Variants in TPGS1 observed in about 807,000 individuals in gnomAD.
TPGS1 encodes gene trap ROSA b-geo 22.
A neutral mutation model predicts 11.9 loss-of-function variants in TPGS1; 18 were observed. The ratio of observed to expected loss-of-function variants is 1.51; its 90% CI spans 1.04 to 2.24. The LOEUF is 2.24. Ranked by LOEUF, TPGS1 falls within the 30% of genes most tolerant of loss-of-function variation. The pLI is 0.00. For missense variants in TPGS1, 500 were observed against 443.0 expected, an observed-to-expected ratio of 1.13 and a Z score of -1.16; for synonymous variants, 247 against 218.2, an observed-to-expected ratio of 1.13 and a Z score of -1.16.
At chr19:515,588 A>C (rs1046030102) in intron 1 of TPGS1, among the ~76,000 whole-genome samples, 1 of 150,742 alleles carries the variant, frequency 6.6e-6, no homozygotes, top group African/African-American at 2.4e-5. Context: ...AAATACAAAA[A>C]TTAGCTGGGT....
chr19:510,609 G>A (rs979807610), intron 1 of TPGS1, among the ~76,000 whole-genome samples: 10 of 152,248 alleles, frequency 6.6e-5, no homozygotes, highest in African/African-American at 2.4e-4. Flanking sequence ...CTTCCTGGTC[G>A]TCTCCAAGGC....
Position 519,360 on chromosome 19 carries a change from C to T in TPGS1, c.810C>T (p.Thr270=). 8.2e-7 allele frequency: 1 copy of T among 1,214,070 alleles called. No homozygotes were observed. Among genetic ancestry groups the T allele is most frequent in the Non-Finnish European group, 1.0e-6 (1 of 975,814 alleles). The allele number at this position is 1,214,070 out of a possible 1,614,324, so 75.2% of individuals were successfully genotyped here. A position where few individuals can be genotyped will look rare whatever the true frequency, so the allele number is the denominator to read the frequency against. ...GGCGGCGGCCCAGCGCGCCCATGACCCGCGAGGAGTTTCTGGAGAGGGCCG... is the reference window on the plus strand; with the variant it reads ...GGCGGCGGCCCAGCGCGCCCATGACTCGCGAGGAGTTTCTGGAGAGGGCCG... ...VGGRRPSAPM[T]REEFLERAAA... The change falls in exon 2 of 2, where the codon ACC becomes ACT. Residue 270 remains threonine (T), a synonymous_variant. Transcript: ENST00000359315.
chr19:512,404 C>T (rs1978822978), intron 1 of TPGS1, among the ~76,000 whole-genome samples: 1 of 152,198 alleles, frequency 6.6e-6, no homozygotes, highest in South Asian at 2.1e-4. Context: ...CTCAAGCAAT[C>T]CTCCTGCCTC....
intron 1 of TPGS1, among the ~76,000 whole-genome samples, chr19:512,126 C>T (rs1167536549): frequency 6.6e-6 from 1 of 152,158 alleles, no homozygotes; most frequent in African/African-American, 2.4e-5. Flanking sequence ...CCGCCTCGGC[C>T]TCCCAAAGTG....
chr19:518,758 G>T (rs1979048954), intron 1 of TPGS1, 131 bp from the exon 2 acceptor site: 2 of 968,022 alleles, frequency 2.1e-6, no homozygotes. Flanking sequence ...GGGATGGGGG[G>T]TAGGAGGAGA....
intron 1 of TPGS1, among the ~76,000 whole-genome samples, chr19:510,939 C>T (rs1337106993): frequency 6.6e-6 from 1 of 152,246 alleles, no homozygotes; most frequent in Non-Finnish European, 1.5e-5. Context: ...TCGTGACAAC[C>T]ACAGATGTCC....
At chr19:509,457 CAG>C (rs367981047) in intron 1 of TPGS1, 78 of 152,744 alleles carry the variant, frequency 5.1e-4, no homozygotes, top group African/African-American at 1.8e-3. Flanking sequence ...CTTAAAACAA[CAG>C]AAATTTATTC....
chr19:512,661 C>T (rs960380489), intron 1 of TPGS1, among the ~76,000 whole-genome samples: 2 of 152,260 alleles, frequency 1.3e-5, no homozygotes, highest in South Asian at 4.1e-4. Flanking sequence ...GGAGAAGTGG[C>T]GGAGGGATCC....
At chr19:514,837 A>C (rs1273274303) in intron 1 of TPGS1, among the ~76,000 whole-genome samples, 1 of 152,216 alleles carries the variant, frequency 6.6e-6, no homozygotes, top group Non-Finnish European at 1.5e-5. Flanking sequence ...GGGGTTAAGC[A>C]GCCCACCCAG....
chr19:519,310 C>G lies in TPGS1; in HGVS notation c.760C>G (p.Leu254Val), dbSNP rs1379310157. ...GSRLGPDSLALALDRAVGGRR... is the reference protein window; with the variant it reads ...GSRLGPDSLAVALDRAVGGRR... Reference sequence around the variant, plus strand: ...GCGCTTGGGGCCCGACAGCCTGGCGCTGGCGCTGGACCGCGCCGTCGGGGG... The same window carrying G: ...GCGCTTGGGGCCCGACAGCCTGGCGGTGGCGCTGGACCGCGCCGTCGGGGG... Residue 254 changes from leucine (L) to valine (V), a missense_variant, in exon 2 of 2, where the codon CTG becomes GTG. Transcript: ENST00000359315. The G allele has an allele frequency of 8.4e-7, 1 of 1,188,030 alleles. No individual in the cohort carries two copies. The highest frequency in any genetic ancestry group is 1.6e-5 in the African/African-American group (1 of 62,206). The allele number at this position is 1,188,030 out of a possible 1,614,324, so 73.6% of individuals were successfully genotyped here.
rs1460678836 is a variant in TPGS1 at position 507,681 on chromosome 19, C to T, written c.175C>T (p.Arg59Trp). 1.5e-6 allele frequency: 2 copies of T among 1,379,154 alleles called. No homozygotes were observed. Among genetic ancestry groups the T allele is most frequent in the East Asian group, 3.0e-5 (1 of 33,084 alleles). The allele number at this position is 1,379,154 out of a possible 1,614,324, so 85.4% of individuals were successfully genotyped here. A position where few individuals can be genotyped will look rare whatever the true frequency, so the allele number is the denominator to read the frequency against. ...RAALLKVLEA[R>W]PEEPIAFLAH... ...GGCCCTGCTGAAGGTGCTGGAGGCG[C>T]GGCCCGAGGAGCCGATCGCCTTCCT... The change falls in exon 1 of 2, where the codon CGG becomes TGG. Residue 59 changes from arginine to tryptophan, a missense_variant. Transcript: ENST00000359315.
At chr19:517,275 G>A (rs958206600) in intron 1 of TPGS1, among the ~76,000 whole-genome samples, 1 of 145,684 alleles carries the variant, frequency 6.9e-6, no homozygotes, top group Admixed American at 7.0e-5. Flanking sequence ...GGAGATCTGG[G>A]GGAAGGCAGT....
chr19:519,526 C>G lies in TPGS1; in HGVS notation c.*103C>G. ...CTGGTGAGGCCCTGCCATAACCAGG[C>G]GCCCAGCCCTGCGGAGGAGGCCGGG... On this transcript the variant is annotated 3_prime_UTR_variant, in exon 2 of 2. Transcript: ENST00000359315. The G allele has an allele frequency of 2.8e-6, 3 of 1,063,422 alleles. No homozygotes were observed. The highest frequency in any genetic ancestry group is 3.5e-6 in the Non-Finnish European group (3 of 856,216). The allele number at this position is 1,063,422 out of a possible 1,614,324, so 65.9% of individuals were successfully genotyped here.
chr19:513,320 G>A (rs1389795852), intron 1 of TPGS1, among the ~76,000 whole-genome samples: 2 of 152,212 alleles, frequency 1.3e-5, no homozygotes, highest in Non-Finnish European at 2.9e-5. Flanking sequence ...AACAAATGGG[G>A]CCTTTACTAC....
intron 1 of TPGS1, among the ~76,000 whole-genome samples, chr19:512,368 G>A (rs567464541): frequency 1.3e-5 from 2 of 152,200 alleles, no homozygotes; most frequent in African/African-American, 4.8e-5. Context: ...TCACTATGTT[G>A]CCCAGGCTGG....
chr19:517,790 G>C (rs1340381276), intron 1 of TPGS1, among the ~76,000 whole-genome samples: 1 of 99,126 alleles, frequency 1.0e-5, no homozygotes, highest in Admixed American at 9.9e-5. Context: ...GGATGAGGGA[G>C]ACCCAGGTTG....
At position 517,319 on chromosome 19, in the gene TPGS1, C is replaced by T. The variant is rs143089177; in HGVS notation, c.339-1570C>T. On this transcript the variant is annotated intron_variant, in intron 1 of 1. Coordinates refer to ENST00000359315, the MANE Select transcript of TPGS1 (RefSeq NM_033513.3). Reference sequence around the variant, plus strand: ...CCTTGCAGAGGCCCTGAGGCCGGTCCAGTTGGAGCTGGGAAGCCAGGGCTG... The same window carrying T: ...CCTTGCAGAGGCCCTGAGGCCGGTCTAGTTGGAGCTGGGAAGCCAGGGCTG... 9.7e-3 allele frequency among the ~76,000 whole-genome samples: 1,239 copies of T among 128,028 alleles called. 9 individuals carry two copies. Among genetic ancestry groups the T allele is most frequent in the Non-Finnish European group, 0.016 (968 of 61,324 alleles). The allele number at this position is 128,028 out of a possible 152,430, so 84.0% of individuals were successfully genotyped here.
At chr19:511,940 C>T (rs1367997686) in intron 1 of TPGS1, among the ~76,000 whole-genome samples, 6 of 152,140 alleles carry the variant, frequency 3.9e-5, no homozygotes, top group Non-Finnish European at 5.9e-5. Flanking sequence ...GGCGCGATCT[C>T]GGCTCACTAC....
chr19:519,014 A>C lies in TPGS1; in HGVS notation c.464A>C (p.Gln155Pro). Residue 155 changes from glutamine (Q) to proline (P), a missense_variant, in exon 2 of 2, where the codon CAA becomes CCA. Gln to Pro is a moderately conservative substitution (Grantham distance 76). Coordinates refer to ENST00000359315, the MANE Select transcript of TPGS1 (RefSeq NM_033513.3). ...ELLRRICRDG[Q>P]APEEVVAPLL... ...CTCAGGCGCATCTGCCGGGACGGCCAAGCCCCCGAGGAGGTGGTGGCGCCG... is the reference window on the plus strand; with the variant it reads ...CTCAGGCGCATCTGCCGGGACGGCCCAGCCCCCGAGGAGGTGGTGGCGCCG... The C allele has an allele frequency of 6.4e-7, 1 of 1,565,454 alleles. No homozygotes were observed. The highest frequency in any genetic ancestry group is 1.2e-5 in the South Asian group (1 of 86,750).
Sources: allele counts gnomAD v4.1 joint callset (sites outside exome capture counted in the v4.1 genomes callset), GRCh38; gene constraint gnomAD v4.1.1; transcripts MANE v1.5; gene names NCBI Gene and HGNC (gene_info 2026-07-23, HGNC 2026-07-21).